ATRN: variants seen among roughly 807,000 people sequenced by gnomAD.
The protein encoded by ATRN is attractin-2.
ATRN carries 54 observed loss-of-function variants against 178.7 expected under a neutral mutation model. That is an observed-to-expected ratio of 0.30 (90% CI 0.24 to 0.38). The LOEUF is 0.38. Ranked by LOEUF, ATRN falls within the 10% of genes least tolerant of loss-of-function variation. The pLI is 1.00. For missense variants in ATRN, 1,443 were observed against 1,815.1 expected, an observed-to-expected ratio of 0.79 and a Z score of 3.73; for synonymous variants, 636 against 663.0, an observed-to-expected ratio of 0.96 and a Z score of 0.63.
At chr20:3,588,035 C>T (rs889850935) in intron 18 of ATRN, among the ~76,000 whole-genome samples, 4 of 151,962 alleles carry the variant, frequency 2.6e-5, no homozygotes, top group African/African-American at 9.7e-5. Flanking sequence ...TTTTTAGAGA[C>T]AGGGTTTCGC....
At chr20:3,587,477 ATTT>A (rs57776247) in intron 18 of ATRN, among the ~76,000 whole-genome samples, 2 of 147,784 alleles carry the variant, frequency 1.4e-5, no homozygotes, top group Non-Finnish European at 1.5e-5. Context: ...TGTTGAAAAG[ATTT>A]TTTTTTTTTT....
At chr20:3,600,358 T>C (rs143929778) in intron 22 of ATRN, among the ~76,000 whole-genome samples, 1 of 152,336 alleles carries the variant, frequency 6.6e-6, no homozygotes, top group African/African-American at 2.4e-5. Flanking sequence ...CTTGAAATAA[T>C]ATTTTTAGTA....
chr20:3,587,814 T>TG (rs1266171775), intron 18 of ATRN, among the ~76,000 whole-genome samples: 2 of 151,772 alleles, frequency 1.3e-5, no homozygotes, highest in Non-Finnish European at 2.9e-5. Flanking sequence ...CTGACCAATT[T>TG]GGGGTGTATT....
chr20:3,513,017 C>G (rs1600059250), intron 1 of ATRN, among the ~76,000 whole-genome samples: 1 of 152,122 alleles, frequency 6.6e-6, no homozygotes, highest in Admixed American at 6.5e-5. Context: ...AGCCCTTTGT[C>G]AGATGAGTAG....
At chr20:3,484,902 AT>A (rs2084669411) in intron 1 of ATRN, among the ~76,000 whole-genome samples, 1 of 140,872 alleles carries the variant, frequency 7.1e-6, no homozygotes, top group African/African-American at 2.8e-5. Flanking sequence ...CTAGGAATGG[AT>A]TTTAAAATTA....
chr20:3,638,984 G>A lies in ATRN; in HGVS notation c.4050+49G>A, dbSNP rs143610980. The A allele has an allele frequency of 6.7e-7, 1 of 1,488,890 alleles. No homozygotes were observed. The allele number at this position is 1,488,890 out of a possible 1,614,324, so 92.2% of individuals were successfully genotyped here. On this transcript the variant is annotated intron_variant, in intron 27 of 28. Coordinates refer to ENST00000262919, the MANE Select transcript of ATRN (RefSeq NM_139321.3). This position sits in a 1 kb window ranked among gnomAD's most constrained non-coding sequence, Gnocchi z 4.5. ...CTATAACTTGACTTTTTAAAACTTAGGCTCCTAAGTCTGGGAAACCAGAGA... is the reference window on the plus strand; with the variant it reads ...CTATAACTTGACTTTTTAAAACTTAAGCTCCTAAGTCTGGGAAACCAGAGA...
intron 18 of ATRN, among the ~76,000 whole-genome samples, chr20:3,587,508 A>G (rs1161692777): frequency 2.0e-5 from 3 of 150,284 alleles, no homozygotes; most frequent in Non-Finnish European, 1.5e-5. Context: ...TTGAATTTTC[A>G]TGGCACATTT....
At chr20:3,562,571 G>A (rs537825927) in intron 9 of ATRN, 112 bp downstream of exon 9, 27 of 1,053,300 alleles carry the variant, frequency 2.6e-5, no homozygotes, top group South Asian at 1.8e-4. Context: ...AATTCTGTTC[G>A]GCATTATATA....
At chr20:3,611,134 C>G (rs629695) in intron 24 of ATRN, among the ~76,000 whole-genome samples, 15,324 of 152,002 alleles carry the variant, frequency 0.1, 1,095 homozygotes, top group African/African-American at 0.21. Flanking sequence ...CGAAACAAAA[C>G]CTTTTTAGAC....
intron 1 of ATRN, among the ~76,000 whole-genome samples, chr20:3,531,918 T>A (rs1232475805): frequency 6.6e-6 from 1 of 152,158 alleles, no homozygotes; most frequent in Admixed American, 6.5e-5. Context: ...AAAACTGACC[T>A]GTTTCCCAGC....
intron 24 of ATRN, among the ~76,000 whole-genome samples, chr20:3,613,081 G>C (rs1456722739): frequency 1.3e-5 from 2 of 152,144 alleles, no homozygotes; most frequent in African/African-American, 4.8e-5. Flanking sequence ...AGGAGATGTT[G>C]ATTTTCTTCC....
chr20:3,511,396 C>T (rs1231776053), intron 1 of ATRN, among the ~76,000 whole-genome samples: 2 of 151,204 alleles, frequency 1.3e-5, no homozygotes, highest in Non-Finnish European at 2.9e-5. Context: ...CACGGTAGAT[C>T]TTAACAGACA....
At chr20:3,595,118 C>T (rs1044941536) in intron 20 of ATRN, among the ~76,000 whole-genome samples, 14 of 152,228 alleles carry the variant, frequency 9.2e-5, no homozygotes, top group Non-Finnish European at 1.6e-4. Flanking sequence ...TTTAAGGTTT[C>T]AGACCTGGCC....
At chr20:3,539,371 G>A (rs2146188083) in intron 2 of ATRN, among the ~76,000 whole-genome samples, 1 of 152,238 alleles carries the variant, frequency 6.6e-6, no homozygotes, top group Middle Eastern at 3.4e-3. Context: ...GGGATTTGAG[G>A]CTTTTTGTTT....
chr20:3,484,375 T>C (rs982329555), intron 1 of ATRN, among the ~76,000 whole-genome samples: 5 of 152,200 alleles, frequency 3.3e-5, no homozygotes, highest in South Asian at 2.1e-4. Flanking sequence ...CTTGTAAATA[T>C]ACTCTTCTAT....
At position 3,636,366 on chromosome 20, in the gene ATRN, A is replaced by T. The variant is rs564241689; in HGVS notation, c.3942+1977A>T. 3.9e-5 allele frequency among the ~76,000 whole-genome samples: 6 copies of T among 152,360 alleles called. No individual in the cohort carries two copies. In the Middle Eastern group the frequency reaches 0.01, roughly 259 times the overall value. ...GTCAAAAAAAGAATATATCATGTCA[A>T]TGGGGAAAAAATAACACCTGAATTC... On this transcript the variant is annotated intron_variant, in intron 26 of 28. Coordinates refer to ENST00000262919, the MANE Select transcript of ATRN (RefSeq NM_139321.3).
chr20:3,501,678 T>G (rs2084966657), intron 1 of ATRN, among the ~76,000 whole-genome samples: 1 of 152,100 alleles, frequency 6.6e-6, no homozygotes, highest in African/African-American at 2.4e-5. Flanking sequence ...GACCAAAATT[T>G]TGGAGAGAAG....
At position 3,629,512 on chromosome 20, in the gene ATRN, A is replaced by G. The variant is rs186277239; in HGVS notation, c.3864-4799A>G. On this transcript the variant is annotated intron_variant, in intron 25 of 28. Transcript: ENST00000262919. ...TTTCCAGACAACAACAAATTCTCCA[A>G]TTCTCTGACACCAACTCAGTGTCTC... Among the ~76,000 whole-genome samples the G allele has an allele frequency of 1.0e-3, 158 of 152,292 alleles. 1 individual carries two copies. Among genetic ancestry groups the G allele is most frequent in the African/African-American group, 3.7e-3 (155 of 41,562 alleles).
intron 4 of ATRN, among the ~76,000 whole-genome samples, chr20:3,547,026 C>T (rs2085713830): frequency 6.6e-6 from 1 of 152,194 alleles, no homozygotes; most frequent in Non-Finnish European, 1.5e-5. Flanking sequence ...CCTTTAATTT[C>T]TTTGACTTTA....
Sources: allele counts gnomAD v4.1 joint callset (sites outside exome capture counted in the v4.1 genomes callset), GRCh38; gene constraint gnomAD v4.1.1; non-coding constraint Gnocchi (gnomAD v3.1); transcripts MANE v1.5; gene names NCBI Gene and HGNC (gene_info 2026-07-23, HGNC 2026-07-21).